TBC1D7: variants seen among roughly 807,000 people sequenced by gnomAD.
The protein encoded by TBC1D7 is TBC domain family 7.
In TBC1D7, 33 loss-of-function variants were observed where a neutral mutation model predicts 35.3. The ratio of observed to expected loss-of-function variants is 0.93; its 90% confidence interval spans 0.71 to 1.25. The LOEUF (loss-of-function observed/expected upper bound fraction) is 1.25, where lower values mean the gene tolerates loss of function less well. Among genes scored for constraint, TBC1D7 ranks in the 50% most tolerant of loss-of-function variants. TBC1D7 has a pLI of 0.00. For missense variants in TBC1D7, 362 were observed against 365.3 expected, an observed-to-expected ratio of 0.99 and a Z score of 0.07; for synonymous variants, 135 against 129.5, an observed-to-expected ratio of 1.04 and a Z score of -0.29.
intron 5 of TBC1D7, among the ~76,000 whole-genome samples, chr6:13,315,096 C>A (rs141609532): frequency 6.6e-6 from 1 of 152,114 alleles, no homozygotes; most frequent in Non-Finnish European, 1.5e-5. Flanking sequence ...CCTTTCCCAG[C>A]CTCTACTGCA....
At chr6:13,314,376 T>A (rs1274251517) in intron 5 of TBC1D7, among the ~76,000 whole-genome samples, 1 of 152,204 alleles carries the variant, frequency 6.6e-6, no homozygotes, top group African/African-American at 2.4e-5. Context: ...TTCATCTGAA[T>A]TGCTGAATTT....
intron 2 of TBC1D7, 134 bp downstream of exon 2, chr6:13,326,653 A>C: frequency 4.0e-6 from 2 of 501,194 alleles, no homozygotes; most frequent in Non-Finnish European, 6.9e-6. Context: ...CTCAAAATAC[A>C]CCATTCTGCT....
intron 5 of TBC1D7, among the ~76,000 whole-genome samples, chr6:13,310,535 G>A (rs1783119688): frequency 6.6e-6 from 1 of 151,966 alleles, no homozygotes; most frequent in African/African-American, 2.4e-5. Context: ...CTACTTGGGA[G>A]GCTGAGGCAG....
chr6:13,314,645 T>A (rs1000597184), intron 5 of TBC1D7, among the ~76,000 whole-genome samples: 5 of 152,206 alleles, frequency 3.3e-5, no homozygotes, highest in African/African-American at 1.2e-4. Context: ...AAATCAAATT[T>A]TACTTAGTTG....
chr6:13,325,264 G>A, intron 2 of TBC1D7, 90 bp from the exon 3 acceptor site: 1 of 913,880 alleles, frequency 1.1e-6, no homozygotes, highest in Admixed American at 2.3e-5. Context: ...TCAAAGAATA[G>A]TTAAGACATT....
intron 5 of TBC1D7, among the ~76,000 whole-genome samples, chr6:13,308,038 A>G (rs1485602831): frequency 6.6e-6 from 1 of 152,240 alleles, no homozygotes; most frequent in African/African-American, 2.4e-5. Context: ...TAACTTCACT[A>G]GCCAGATTCA....
intron 4 of TBC1D7, chr6:13,319,506 A>C (rs1459736823): frequency 1.3e-5 from 2 of 151,710 alleles, no homozygotes; most frequent in Non-Finnish European, 2.9e-5. Flanking sequence ...TCCAGATTAA[A>C]GACTAAGACG....
rs1782904772 is a variant in TBC1D7 at position 13,307,688 on chromosome 6, T to G, written c.577A>C (p.Arg193=). The G allele has an allele frequency of 6.2e-7, 1 of 1,614,014 alleles. No homozygotes were observed. Among genetic ancestry groups the G allele is most frequent in the African/African-American group, 1.3e-5 (1 of 74,918 alleles). Residue 193 remains arginine, a synonymous_variant, in exon 6 of 8, where the codon AGG becomes CGG. Coordinates refer to ENST00000379300, the MANE Select transcript of TBC1D7 (RefSeq NM_016495.6). The part of the protein sequence containing the change: ...LEDGRLLTHL[R]MCSAAPKLPY... ...AGTTTGGGCGCCGCGGAACACATCC[T>G]CAGATGAGTCAGCAGTCTGCCATCT...
chr6:13,312,877 G>A (rs892797906), intron 5 of TBC1D7, among the ~76,000 whole-genome samples: 2 of 151,422 alleles, frequency 1.3e-5, no homozygotes, highest in Non-Finnish European at 2.9e-5. Context: ...CAAACGTAAG[G>A]GATAAGGATA....
chr6:13,305,336 C>T (rs1308411961), intron 7 of TBC1D7, 149 bp from the exon 8 acceptor site: 9 of 755,560 alleles, frequency 1.2e-5, no homozygotes, highest in Non-Finnish European at 2.0e-5. Flanking sequence ...TCACATGCTA[C>T]CTGAGGACAT....
At chr6:13,305,761 TTA>T (rs1782765685) in intron 7 of TBC1D7, 1 of 166,554 alleles carries the variant, frequency 6.0e-6, no homozygotes, top group Non-Finnish European at 1.3e-5. Context: ...GAGGGAAAAG[TTA>T]ATTTCATTAC....
intron 5 of TBC1D7, among the ~76,000 whole-genome samples, chr6:13,310,697 T>TAGTATGAAACC (rs1783147969): frequency 6.7e-6 from 1 of 148,946 alleles, no homozygotes; most frequent in Non-Finnish European, 1.5e-5. Flanking sequence ...AGTATGAAAC[T>TAGTATGAAACC]ATGACAGGGA....
intron 5 of TBC1D7, among the ~76,000 whole-genome samples, chr6:13,310,121 A>T (rs1356979453): frequency 1.3e-5 from 2 of 152,238 alleles, no homozygotes; most frequent in African/African-American, 2.4e-5. Context: ...AATATTTAGC[A>T]AAGTAATTTA....
intron 5 of TBC1D7, among the ~76,000 whole-genome samples, chr6:13,315,140 T>C (rs1350642796): frequency 6.6e-6 from 1 of 152,174 alleles, no homozygotes; most frequent in Non-Finnish European, 1.5e-5. Flanking sequence ...TCCTGGTCAC[T>C]AACATATAGT....
chr6:13,306,505 C>T lies in TBC1D7; in HGVS notation c.688G>A (p.Gly230Arg), dbSNP rs1782817336. The T allele has an allele frequency of 6.2e-7, 1 of 1,602,384 alleles. No individual in the cohort carries two copies. Among genetic ancestry groups the T allele is most frequent in the African/African-American group, 1.3e-5 (1 of 74,196 alleles). Reference sequence around the variant, plus strand: ...ACAAAAACTAGGATCTTACAGGATCCACTCACAACTTTATCCCAAACCCTA... The same window carrying T: ...ACAAAAACTAGGATCTTACAGGATCTACTCACAACTTTATCCCAAACCCTA... ...LQRVWDKVVS[G>R]SCKILVFVAV... Residue 230 changes from glycine to arginine, a missense_variant, in exon 7 of 8, where the codon GGA becomes AGA. Gly to Arg is a moderately radical substitution (Grantham distance 125). Transcript: ENST00000379300.
intron 5 of TBC1D7, among the ~76,000 whole-genome samples, chr6:13,309,982 T>TCA (rs1783078597): frequency 6.6e-6 from 1 of 152,196 alleles, no homozygotes; most frequent in Non-Finnish European, 1.5e-5. Context: ...CACTGAAGTA[T>TCA]CACTGCCTAC....
At chr6:13,323,292 G>C (rs973931094) in intron 3 of TBC1D7, among the ~76,000 whole-genome samples, 8 of 152,098 alleles carry the variant, frequency 5.3e-5, no homozygotes, top group African/African-American at 1.9e-4. Flanking sequence ...GGCAGAGGTT[G>C]CAGTGCTGAG....
chr6:13,325,066 TA>T, intron 3 of TBC1D7, 27 bp downstream of exon 3: 2 of 1,532,726 alleles, frequency 1.3e-6, no homozygotes, highest in Non-Finnish European at 1.8e-6. Context: ...TTTTTTAAGA[TA>T]AATCTTCCAA....
intron 3 of TBC1D7, among the ~76,000 whole-genome samples, chr6:13,323,064 A>G (rs981487903): frequency 1.3e-5 from 2 of 152,190 alleles, no homozygotes; most frequent in African/African-American, 4.8e-5. Context: ...CATGATAAAG[A>G]AAGGTGGGCC....
Sources: allele counts gnomAD v4.1 joint callset (sites outside exome capture counted in the v4.1 genomes callset), GRCh38; gene constraint gnomAD v4.1.1; transcripts MANE v1.5; gene names NCBI Gene and HGNC (gene_info 2026-07-23, HGNC 2026-07-21).